Variants in NWD1 observed in about 807,000 individuals in gnomAD.
NWD1 encodes the protein NACHT and WD repeat domain containing 1, also known as NACHT domain- and WD repeat-containing protein 1.
Under a neutral mutation model 135.1 loss-of-function variants are expected in NWD1, and 129 were observed. That is an observed-to-expected ratio of 0.96 (90% confidence interval 0.83 to 1.11). The LOEUF (loss-of-function observed/expected upper bound fraction) is 1.11. Among genes scored for constraint, NWD1 ranks in the 50% least tolerant of loss-of-function variants. NWD1 has a pLI of 0.00. For missense variants in NWD1, 1,740 were observed against 1,851.3 expected (o/e 0.94, Z 1.10); for synonymous variants, 773 against 786.0 (o/e 0.98, Z 0.28).
At chr19:16,793,060 T>TA (rs71180338) in intron 14 of NWD1, among the ~76,000 whole-genome samples, 18 of 146,168 alleles carry the variant, frequency 1.2e-4, no homozygotes, top group African/African-American at 2.5e-4. Context: ...AATTAAAAAA[T>TA]AAAAAAAAAA....
chr19:16,774,506 C>A (rs1249088655), intron 11 of NWD1, among the ~76,000 whole-genome samples: 1 of 151,888 alleles, frequency 6.6e-6, no homozygotes, highest in Non-Finnish European at 1.5e-5. Flanking sequence ...TATCCATCTA[C>A]CCTACCACTG....
At position 16,790,632 on chromosome 19, in the gene NWD1, T is replaced by TA. The variant is rs57075970; in HGVS notation, c.2941-709dup. Among the ~76,000 whole-genome samples the TA allele has an allele frequency of 4.2e-4, 20 of 47,442 alleles. 1 individual carries two copies. The highest frequency in any genetic ancestry group is 9.1e-4 in the African/African-American group (14 of 15,330). The allele number at this position is 47,442 out of a possible 152,430, so 31.1% of individuals were successfully genotyped here. On this transcript the variant is annotated intron_variant, in intron 13 of 18. Coordinates refer to ENST00000524140, the MANE Select transcript of NWD1 (RefSeq NM_001007525.5). Reference sequence around the variant, plus strand: ...TGTATCCCAAAACTGAAAGTAACATTAAAAAAAAATAAATAAATAAATAAA... The same window carrying TA: ...TGTATCCCAAAACTGAAAGTAACATTAAAAAAAAAATAAATAAATAAATAAA...
intron 8 of NWD1, 47 bp downstream of exon 8, chr19:16,762,185 C>A: frequency 6.4e-7 from 1 of 1,565,708 alleles, no homozygotes. Context: ...CTCCACCCTG[C>A]CTGGCATTGC....
chr19:16,784,789 T>C (rs1009304959), intron 12 of NWD1, among the ~76,000 whole-genome samples: 2 of 151,424 alleles, frequency 1.3e-5, no homozygotes, highest in Non-Finnish European at 1.5e-5. Context: ...ATTAGCCAGG[T>C]GTGATGGCAC....
rs559433361 is a variant in NWD1, at chr19:16,730,685, C to G, written c.-6-507C>G. On this transcript the variant is annotated intron_variant, in intron 2 of 18. Coordinates refer to ENST00000524140, the MANE Select transcript of NWD1 (RefSeq NM_001007525.5). The stretch of plus-strand genomic sequence containing the variant: ...TGAGCTATGATTGCACCACTGCCCT[C>G]CAGCCTGGGTGATGGAGTGAGACCT... 6.6e-5 allele frequency among the ~76,000 whole-genome samples: 10 copies of G among 152,078 alleles called. No homozygotes were observed. In the East Asian group the frequency reaches 1.5e-3, roughly 24 times the overall value.
chr19:16,738,750 A>T (rs999563561), intron 4 of NWD1, among the ~76,000 whole-genome samples: 19 of 135,494 alleles, frequency 1.4e-4, no homozygotes, highest in Middle Eastern at 3.7e-3. Context: ...TATATATATT[A>T]TATATATATA....
At position 16,744,646 on chromosome 19, in the gene NWD1, C is replaced by G. The variant is rs75226566; in HGVS notation, c.424C>G (p.Arg142Gly). ...PEEATLTSVL[R>G]SGAQEARRLG... ...GGAGGCCACCTTAACTTCTGTCCTACGCTCTGGAGCCCAGGAGGCCCGGAG... is the reference window on the plus strand; with the variant it reads ...GGAGGCCACCTTAACTTCTGTCCTAGGCTCTGGAGCCCAGGAGGCCCGGAG... Residue 142 changes from arginine (R) to glycine (G), a missense_variant, in exon 5 of 19, where the codon CGC becomes GGC. Transcript: ENST00000524140. 6.5e-7 allele frequency: 1 copy of G among 1,535,642 alleles called. No homozygotes were observed. The highest frequency in any genetic ancestry group is 2.4e-5 in the East Asian group (1 of 40,880).
At chr19:16,746,670 TAAAAACA>T (rs1968330679) in intron 5 of NWD1, among the ~76,000 whole-genome samples, 2 of 119,286 alleles carry the variant, frequency 1.7e-5, no homozygotes, top group South Asian at 5.1e-4. Context: ...AGACTCTGTC[TAAAAACA>T]AAAAACAAAA....
At chr19:16,753,876 T>C (rs34081360) in intron 6 of NWD1, among the ~76,000 whole-genome samples, 86,745 of 147,516 alleles carry the variant, frequency 0.59, 26,350 homozygotes, top group African/African-American at 0.72. Context: ...CATTCATCAA[T>C]TCGACCTTTC....
intron 17 of NWD1, among the ~76,000 whole-genome samples, chr19:16,802,140 C>T (rs1277279869): frequency 4.6e-5 from 7 of 151,686 alleles, no homozygotes; most frequent in African/African-American, 7.3e-5. Context: ...AAAAATTAGC[C>T]GGACGTGGTG....
chr19:16,731,204 A>G lies in NWD1; in HGVS notation c.7A>G (p.Arg3Gly). The change falls in exon 3 of 19, where the codon AGA (arginine) becomes GGA (glycine). Residue 3 changes from arginine to glycine, a missense_variant. Physicochemically the swap from Arg to Gly is moderately radical, Grantham distance 125. Coordinates refer to ENST00000524140, the MANE Select transcript of NWD1 (RefSeq NM_001007525.5). Reference sequence around the variant, plus strand: ...CCCTTCCTTGCAGATATGGATGCAGAGAGGGAAGCCCTGCAGAGCACTGCC... The same window carrying G: ...CCCTTCCTTGCAGATATGGATGCAGGGAGGGAAGCCCTGCAGAGCACTGCC... MQ[R>G]GKPCRALPTL... The G allele has an allele frequency of 1.3e-6, 2 of 1,529,910 alleles. No homozygotes were observed. Among genetic ancestry groups the G allele is most frequent in the Admixed American group, 2.0e-5 (1 of 50,960 alleles). The allele number at this position is 1,529,910 out of a possible 1,614,324, so 94.8% of individuals were successfully genotyped here. A position where few individuals can be genotyped will look rare whatever the true frequency, so the allele number is the denominator to read the frequency against.
intron 6 of NWD1, among the ~76,000 whole-genome samples, chr19:16,756,524 C>T (rs747349100): frequency 2.0e-5 from 3 of 152,164 alleles, no homozygotes; most frequent in Non-Finnish European, 2.9e-5. Flanking sequence ...ATTTATCTAT[C>T]ATCTGTCTAT....
chr19:16,721,252 G>C (rs1434546719), intron 1 of NWD1: 1 of 152,010 alleles, frequency 6.6e-6, no homozygotes, highest in Non-Finnish European at 1.5e-5. Flanking sequence ...ATCCTAAAAT[G>C]CATGGGACAA....
rs1971059995 is a variant in NWD1 at position 16,816,040 on chromosome 19, T to G, written c.*1001T>G. ...CCATTCCTGTTAGACCTCACTCCAATTTCAGTCTGCAGAGCACAACCATCT... is the reference window on the plus strand; with the variant it reads ...CCATTCCTGTTAGACCTCACTCCAAGTTCAGTCTGCAGAGCACAACCATCT... On this transcript the variant is annotated 3_prime_UTR_variant, in exon 19 of 19. Coordinates refer to ENST00000524140, the MANE Select transcript of NWD1 (RefSeq NM_001007525.5). 6.6e-6 allele frequency: 1 copy of G among 152,230 alleles called. No individual in the cohort carries two copies. Among genetic ancestry groups the G allele is most frequent in the African/African-American group, 2.4e-5 (1 of 41,450 alleles). The allele number at this position is 152,230 out of a possible 1,614,324, so 9.4% of individuals were successfully genotyped here. A position where few individuals can be genotyped will look rare whatever the true frequency, so the allele number is the denominator to read the frequency against.
chr19:16,731,758 C>A (rs989594539), intron 3 of NWD1, among the ~76,000 whole-genome samples: 13 of 152,106 alleles, frequency 8.5e-5, no homozygotes, highest in African/African-American at 2.9e-4. Context: ...GTGCCCGCCA[C>A]CACGCCCCTC....
chr19:16,798,946 A>C (rs1970508319), intron 16 of NWD1, among the ~76,000 whole-genome samples: 1 of 151,614 alleles, frequency 6.6e-6, no homozygotes. Flanking sequence ...AATTAAAAAA[A>C]AAAAAACATT....
In NWD1 at chr19:16,749,649, C is replaced by G. The variant is rs1968478643; in HGVS notation, c.1007C>G (p.Pro336Arg). The G allele has an allele frequency of 3.7e-6, 6 of 1,605,580 alleles. No individual in the cohort carries two copies. The highest frequency in any genetic ancestry group is 5.1e-6 in the Non-Finnish European group (6 of 1,174,294). ...LRHDDSKQHT[P>R]LVLFGPPGIG... Reference sequence around the variant, plus strand: ...CACGATGACAGCAAGCAGCACACCCCCCTGGTACTCTTTGGGCCCCCAGGC... The same window carrying G: ...CACGATGACAGCAAGCAGCACACCCGCCTGGTACTCTTTGGGCCCCCAGGC... Residue 336 changes from proline (P) to arginine (R), a missense_variant, in exon 6 of 19, where the codon CCC (proline) becomes CGC (arginine). Transcript: ENST00000524140.
intron 18 of NWD1, among the ~76,000 whole-genome samples, chr19:16,812,324 C>G (rs1410701944): frequency 6.6e-6 from 1 of 150,564 alleles, no homozygotes; most frequent in East Asian, 2.0e-4. Context: ...AAAAAAAAGG[C>G]CTGGTTCCTT....
At chr19:16,733,129 G>C (rs567400458) in intron 3 of NWD1, among the ~76,000 whole-genome samples, 9 of 152,240 alleles carry the variant, frequency 5.9e-5, no homozygotes, top group African/African-American at 2.2e-4. Context: ...GCTGAGGTGG[G>C]AGGATCACTT....
Sources: gnomAD v4.1 joint callset for allele counts (sites outside exome capture counted in the v4.1 genomes callset) on GRCh38, gnomAD v4.1.1 for gene constraint, MANE v1.5 for transcripts, NCBI Gene and HGNC (gene_info 2026-07-23, HGNC 2026-07-21) for gene names.